The following ZMYM3 variants were observed in gnomAD, a reference collection of about 807,000 sequenced individuals.
ZMYM3 encodes zinc finger MYM-type protein 3.
ZMYM3 carries 6 observed loss-of-function variants against 94.2 expected under a neutral mutation model. That is an observed-to-expected ratio of 0.06 (90% CI 0.03 to 0.13). The LOEUF (loss-of-function observed/expected upper bound fraction) is 0.13. ZMYM3 is among the 10% of genes least tolerant of loss of function. The probability of loss-of-function intolerance (pLI) is 1.00; values close to 1 mark genes in which losing one functional copy is unlikely to be tolerated. For synonymous variants in ZMYM3, 420 were observed against 426.5 expected, an observed-to-expected ratio of 0.98 and a Z score of 0.19; for missense variants, 664 against 1,132.6, an observed-to-expected ratio of 0.59 and a Z score of 5.94.
rs747199067 is a variant in ZMYM3, at chrX:71,243,992, T to C, written c.3281-12A>G. On this transcript the variant is annotated splice_polypyrimidine_tract_variant and intron_variant, in intron 20 of 24. Transcript: ENST00000314425. ...ACGCATGGGTTTGGCTGCAGTGATA[T>C]GTTGTGCAGGGACAGGATTAAGAAA... The C allele has an allele frequency of 5.8e-6, 7 of 1,208,309 alleles. No homozygotes were observed. The highest frequency in any genetic ancestry group is 1.8e-5 in the African/African-American group (1 of 57,042).
intron 13 of ZMYM3, 98 bp from the exon 14 acceptor site, chrX:71,246,790 T>C: frequency 3.6e-6 from 3 of 822,729 alleles, no homozygotes; most frequent in Non-Finnish European, 5.1e-6. Flanking sequence ...GTACACCAAA[T>C]ACAGATGGGA....
At chrX:71,250,778 A>G (rs1433198925) in intron 4 of ZMYM3, 52 bp from the exon 5 acceptor site, 1 of 1,095,252 alleles carries the variant, frequency 9.1e-7, no homozygotes, top group Non-Finnish European at 1.2e-6. Flanking sequence ...CAGGTCTCCA[A>G]CCATCCCCTG....
intron 20 of ZMYM3, 56 bp from the exon 21 acceptor site, chrX:71,244,036 T>C: frequency 2.6e-6 from 3 of 1,170,810 alleles, no homozygotes; most frequent in Non-Finnish European, 3.5e-6. Flanking sequence ...ATGGAGAATT[T>C]CACTTAGCTC....
At chrX:71,247,570 T>G in intron 12 of ZMYM3, 60 bp from the exon 13 acceptor site, 1 of 1,165,618 alleles carries the variant, frequency 8.6e-7, no homozygotes, top group Non-Finnish European at 1.2e-6. Context: ...GCCCTTTCTT[T>G]CCCCCGGGAT....
rs1036680065 is a variant in ZMYM3, at chrX:71,248,885, G to A, written c.1622-84C>T. 4.9e-5 allele frequency: 54 copies of A among 1,093,967 alleles called. No homozygotes were observed. The African/African-American group carries it at 8.2e-4, about 17-fold the overall frequency. 90.2% of individuals were successfully genotyped at this position (1,093,967 alleles called of 1,213,427 possible). On this transcript the variant is annotated intron_variant, in intron 8 of 24. Transcript: ENST00000314425. ...ACACAGAAGGTGTAAGGCAGTGTAA[G>A]AGACGAACAGAAAATCCATGGGGAG...
intron 1 of ZMYM3, 92 bp from the exon 2 acceptor site, chrX:71,253,366 T>G: frequency 1.3e-6 from 1 of 753,608 alleles, no homozygotes; most frequent in Non-Finnish European, 1.8e-6. Context: ...CATCATCCAC[T>G]TGGATTTCTC....
Position 71,247,440 on chromosome X carries a change from C to T in ZMYM3, c.2219G>A (p.Arg740His), listed in dbSNP as rs372250348. Residue 740 changes from arginine to histidine, a missense_variant, in exon 13 of 25, where the codon CGT (arginine) becomes CAT (histidine). Arg to His is a conservative substitution (Grantham distance 29). This residue lies in a region of ZMYM3 where 159 missense variants were observed against 313.0 expected (regional missense o/e 0.51). Coordinates refer to ENST00000314425, the MANE Select transcript of ZMYM3 (RefSeq NM_201599.3). Reference sequence around the variant, plus strand: ...AAGACACTGCTGGTTGCAGAAATGACGGATCTGCCCACGCCAGTGGATGGT... The same window carrying T: ...AAGACACTGCTGGTTGCAGAAATGATGGATCTGCCCACGCCAGTGGATGGT... ...LETIHWRGQI[R>H]HFCNQQCLLR... is the part of the protein sequence containing the mutation. The T allele has an allele frequency of 3.3e-6, 4 of 1,210,674 alleles. No homozygotes were observed. The highest frequency in any genetic ancestry group is 2.2e-6 in the Non-Finnish European group (2 of 894,843).
rs1218587863 is a variant in ZMYM3, at chrX:71,253,083, T to C, written c.173A>G (p.Asp58Gly). 1 of 1,199,077 alleles carries C rather than the reference T, an allele frequency of 8.3e-7. No homozygotes were observed. The highest frequency in any genetic ancestry group is 1.8e-5 in the African/African-American group (1 of 56,757). Reference protein sequence around the residue: ...PGPSPSSGALDLLDTPAGLEK... With the variant: ...PGPSPSSGALGLLDTPAGLEK... Reference sequence around the variant, plus strand: ...CAGGCCAGCAGGGGTATCAAGCAGGTCCAGGGCTCCCGAGGATGGAGAAGG... The same window carrying C: ...CAGGCCAGCAGGGGTATCAAGCAGGCCCAGGGCTCCCGAGGATGGAGAAGG... Residue 58 changes from aspartate to glycine, a missense_variant, in exon 2 of 25, where the codon GAC becomes GGC. Asp to Gly is a moderately conservative substitution (Grantham distance 94, BLOSUM62 -1). Coordinates refer to ENST00000314425, the MANE Select transcript of ZMYM3 (RefSeq NM_201599.3).
Position 71,253,266 on chromosome X carries a change from G to A in ZMYM3, c.-11C>T, listed in dbSNP as rs763903392. On this transcript the variant is annotated 5_prime_UTR_variant, in exon 2 of 25. Transcript: ENST00000314425. ...ATCACTGGGGTCCATGAGTATGGCT[G>A]GATATGTACTGCAGATTAGGAGTAG... The A allele has an allele frequency of 8.7e-7, 1 of 1,145,757 alleles. No homozygotes were observed. Among genetic ancestry groups the A allele is most frequent in the Non-Finnish European group, 1.2e-6 (1 of 862,401 alleles). 94.4% of individuals were successfully genotyped at this position (1,145,757 alleles called of 1,213,427 possible). A position where few individuals can be genotyped will look rare whatever the true frequency, so the allele number is the denominator to read the frequency against.
rs2147982468 is a variant in ZMYM3 at position 71,247,918 on chromosome X, AG to A, written c.1976-13del. On this transcript the variant is annotated splice_polypyrimidine_tract_variant and intron_variant, in intron 11 of 24. Coordinates refer to ENST00000314425, the MANE Select transcript of ZMYM3 (RefSeq NM_201599.3). ...CAGCAGCACACAGCCTGGAAAGAGG[AG>A]AAGAGGAAAGAGAGTCCAGAGACAC... 1 of 1,175,531 alleles carries A rather than the reference AG, an allele frequency of 8.5e-7. No homozygotes were observed. The highest frequency in any genetic ancestry group is 1.9e-5 in the South Asian group (1 of 52,025).
intron 19 of ZMYM3, among the ~76,000 whole-genome samples, 154 bp downstream of exon 19, chrX:71,244,636 G>A (rs770431628): frequency 9.0e-6 from 1 of 111,589 alleles, no homozygotes; most frequent in East Asian, 2.8e-4. Flanking sequence ...CTTGTGAGAT[G>A]GGGGGAGAGC....
At position 71,249,023 on chromosome X, in the gene ZMYM3, G is replaced by A; in HGVS notation, c.1617C>T (p.Leu539=). 8.3e-7 allele frequency: 1 copy of A among 1,211,449 alleles called. No homozygotes were observed. The highest frequency in any genetic ancestry group is 1.1e-6 in the Non-Finnish European group (1 of 895,457). ...TTSYKVKQAG[L]TGPPRPCSFC... ...AGAAGAGGGCTTTGCACCTACCAGT[G>A]AGCCCTGCCTGCTTCACTTTGTAAG... The change falls in exon 8 of 25, where the codon CTC becomes CTT. Residue 539 remains leucine, a synonymous_variant. Coordinates refer to ENST00000314425, the MANE Select transcript of ZMYM3 (RefSeq NM_201599.3).
chrX:71,247,096 G>A (rs1427054378), intron 13 of ZMYM3, among the ~76,000 whole-genome samples: 2 of 111,249 alleles, frequency 1.8e-5, no homozygotes, highest in African/African-American at 6.6e-5. Flanking sequence ...ATCCTACCAG[G>A]AAAGGCACCC....
rs2030306106 is a variant in ZMYM3, at chrX:71,248,775, G to A, written c.1648C>T (p.Arg550Cys). Residue 550 changes from arginine (R) to cysteine (C), a missense_variant, in exon 9 of 25, where the codon CGC becomes TGC. Transcript: ENST00000314425. ...TAACAGGGGTCAGAGAGGCTGCGGC[G>A]GCAGAAGCTGCAGGGTCGGGGAGGG... ...TGPPRPCSFCRRSLSDPCYYN... is the reference protein window; with the variant it reads ...TGPPRPCSFCCRSLSDPCYYN... The A allele has an allele frequency of 8.3e-7, 1 of 1,204,778 alleles. No individual in the cohort carries two copies. The highest frequency in any genetic ancestry group is 1.1e-6 in the Non-Finnish European group (1 of 892,774).
chrX:71,250,741 G>T lies in ZMYM3; in HGVS notation c.779-15C>A, dbSNP rs201965684. 7.7e-6 allele frequency: 9 copies of T among 1,171,280 alleles called. No homozygotes were observed. In the East Asian group the frequency reaches 2.8e-4, roughly 36 times the overall value. On this transcript the variant is annotated splice_polypyrimidine_tract_variant and intron_variant, in intron 4 of 24. Transcript: ENST00000314425. ...TGACACTGGAACTGAGAAAGTGGGGGGATGGACATGAGAAAGGCCACCAAA... is the reference window on the plus strand; with the variant it reads ...TGACACTGGAACTGAGAAAGTGGGGTGATGGACATGAGAAAGGCCACCAAA...
chrX:71,248,826 G>A, intron 8 of ZMYM3, 25 bp from the exon 9 acceptor site: 1 of 1,148,988 alleles, frequency 8.7e-7, no homozygotes, highest in African/African-American at 1.8e-5. Flanking sequence ...GAAAGAGAGA[G>A]AGGAAAAGAG....
At chrX:71,253,368 G>T in intron 1 of ZMYM3, 94 bp from the exon 2 acceptor site, 1 of 733,230 alleles carries the variant, frequency 1.4e-6, no homozygotes, top group Non-Finnish European at 1.9e-6. Flanking sequence ...TCATCCACTT[G>T]GATTTCTCAT....
rs767495755 is a variant in ZMYM3, at chrX:71,240,871, A to G, written c.*45T>C. On this transcript the variant is annotated 3_prime_UTR_variant, in exon 25 of 25. Transcript: ENST00000314425. ...CTGTCACCCTGAGGGACATGGCCAC[A>G]GGACAGACATTGATGTGAAAGATGG... The G allele has an allele frequency of 3.4e-6, 4 of 1,174,853 alleles. No individual in the cohort carries two copies. In the African/African-American group the frequency reaches 5.3e-5, roughly 16 times the overall value.
At position 71,253,132 on chromosome X, in the gene ZMYM3, T is replaced by G. The variant is rs1169817820; in HGVS notation, c.124A>C (p.Thr42Pro). ...GGGCCAGGGGGGGCCCATCCTCGAGTTGGGGCAGTCTGGGATTCCAGTAGA... is the reference window on the plus strand; with the variant it reads ...GGGCCAGGGGGGGCCCATCCTCGAGGTGGGGCAGTCTGGGATTCCAGTAGA... ...EDLLESQTAP[T>P]RGWAPPGPSP... Residue 42 changes from threonine to proline, a missense_variant, in exon 2 of 25, where the codon ACT becomes CCT. Transcript: ENST00000314425. 1 of 1,203,448 alleles carries G rather than the reference T, an allele frequency of 8.3e-7. No individual in the cohort carries two copies. Among genetic ancestry groups the G allele is most frequent in the African/African-American group, 1.8e-5 (1 of 56,829 alleles).
Sources: gnomAD v4.1 joint callset for allele counts (sites outside exome capture counted in the v4.1 genomes callset) on GRCh38, gnomAD v4.1.1 for gene constraint, gnomAD v4.1.1 regional missense constraint, MANE v1.5 for transcripts, NCBI Gene and HGNC (gene_info 2026-07-23, HGNC 2026-07-21) for gene names.